AK7: variants seen among roughly 807,000 people sequenced by gnomAD.
AK7 encodes the protein ATP-AMP transphosphorylase 7.
A neutral mutation model predicts 96.6 loss-of-function variants in AK7; 78 were observed. The observed-to-expected ratio is 0.81, with a 90% CI of 0.67 to 0.97. AK7 has a LOEUF of 0.97. Among genes scored for constraint, AK7 ranks in the 50% least tolerant of loss-of-function variants. AK7 has a pLI of 0.00. For missense variants in AK7, 855 were observed against 887.9 expected (o/e 0.96, Z 0.47); for synonymous variants, 302 against 317.2 (o/e 0.95, Z 0.51).
Position 96,449,877 on chromosome 14 carries a change from A to G in AK7, c.946A>G (p.Thr316Ala). Residue 316 changes from threonine (T) to alanine (A), a missense_variant and splice_region_variant, in exon 9 of 18, where the codon ACG (threonine) becomes GCG (alanine). By Grantham distance (58) the Thr-to-Ala change is moderately conservative (BLOSUM62 0). Coordinates refer to ENST00000267584, the MANE Select transcript of AK7 (RefSeq NM_152327.5). ...RENAYLTKDL[T>A]QDCLDHLLVN... ...AAATGCATACCTAACCAAGGACTTAACGGTTAGTATATGCGGTGTTTTTTT... is the reference window on the plus strand; with the variant it reads ...AAATGCATACCTAACCAAGGACTTAGCGGTTAGTATATGCGGTGTTTTTTT... 6.3e-7 allele frequency: 1 copy of G among 1,594,646 alleles called. No homozygotes were observed. The highest frequency in any genetic ancestry group is 1.7e-4 in the Middle Eastern group (1 of 5,858).
In AK7 at chr14:96,398,223, C is replaced by A; in HGVS notation, c.254C>A (p.Pro85His). The A allele has an allele frequency of 6.2e-7, 1 of 1,613,796 alleles. No individual in the cohort carries two copies. The highest frequency in any genetic ancestry group is 2.2e-5 in the East Asian group (1 of 44,876). ...TFQIVGTLSKPDSPRPDFAVE... is the reference protein window; with the variant it reads ...TFQIVGTLSKHDSPRPDFAVE... ...CAGATTGTGGGCACGCTGTCCAAGC[C>A]TGACAGCCCGCGGCCTGACTTTGCG... Residue 85 changes from proline to histidine, a missense_variant, in exon 2 of 18, where the codon CCT becomes CAT. Physicochemically the swap from Pro to His is moderately conservative, Grantham distance 77. Transcript: ENST00000267584.
intron 8 of AK7, among the ~76,000 whole-genome samples, chr14:96,448,233 GTTGT>G (rs781548631): frequency 3.3e-5 from 5 of 152,106 alleles, no homozygotes; most frequent in Non-Finnish European, 7.4e-5. Flanking sequence ...TTCATCCCAG[GTTGT>G]TTTAGTCTGT....
chr14:96,480,218 G>A (rs1595467046), intron 15 of AK7, among the ~76,000 whole-genome samples: 1 of 152,140 alleles, frequency 6.6e-6, no homozygotes, highest in Non-Finnish European at 1.5e-5. Context: ...GATCATCTGA[G>A]GTCAGGAGTT....
intron 12 of AK7, among the ~76,000 whole-genome samples, chr14:96,458,422 C>T (rs1231113911): frequency 6.6e-6 from 1 of 151,894 alleles, no homozygotes; most frequent in East Asian, 1.9e-4. Context: ...ATGGCGAAAC[C>T]CCATCTCTAC....
intron 5 of AK7, among the ~76,000 whole-genome samples, chr14:96,435,911 T>C (rs1373101183): frequency 6.6e-6 from 1 of 152,194 alleles, no homozygotes; most frequent in East Asian, 1.9e-4. Context: ...GTGGGTGGCT[T>C]TGGCGATTCC....
rs1890618435 is a variant in AK7 at position 96,404,867 on chromosome 14, T to A, written c.403+2T>A. The A allele has an allele frequency of 1.3e-6, 2 of 1,599,124 alleles. No individual in the cohort carries two copies. The highest frequency in any genetic ancestry group is 2.7e-5 in the African/African-American group (2 of 74,660). On this transcript the variant is annotated splice_donor_variant, in intron 3 of 17. Transcript: ENST00000267584. LOFTEE classifies it high-confidence loss of function. ...AGGAAGCCATCTGGGCAGTCTCTGGTCAGTGAGGTGTACTCTTTTATCTCC... is the reference window on the plus strand; with the variant it reads ...AGGAAGCCATCTGGGCAGTCTCTGGACAGTGAGGTGTACTCTTTTATCTCC...
chr14:96,462,238 C>G (rs1454415408), intron 12 of AK7, among the ~76,000 whole-genome samples: 1 of 152,090 alleles, frequency 6.6e-6, no homozygotes, highest in Non-Finnish European at 1.5e-5. Context: ...CAAAGCTCCT[C>G]ACCCACATGT....
intron 5 of AK7, among the ~76,000 whole-genome samples, chr14:96,430,712 G>C (rs966148682): frequency 1.3e-5 from 2 of 152,140 alleles, no homozygotes; most frequent in African/African-American, 4.8e-5. Flanking sequence ...ATGTTCATCA[G>C]GGATATTGGT....
chr14:96,445,955 G>A (rs981928302), intron 7 of AK7, among the ~76,000 whole-genome samples: 2 of 152,226 alleles, frequency 1.3e-5, no homozygotes, highest in Non-Finnish European at 2.9e-5. Flanking sequence ...TGAAAATTTA[G>A]TGGGATCACA....
At chr14:96,439,455 G>A (rs980330614) in intron 6 of AK7, among the ~76,000 whole-genome samples, 9 of 152,058 alleles carry the variant, frequency 5.9e-5, no homozygotes, top group African/African-American at 1.5e-4. Flanking sequence ...ACAAGGTCAG[G>A]AGATCAAGAC....
rs1470814261 is a variant in AK7 at position 96,488,919 on chromosome 14, T to C, written c.*576T>C. On this transcript the variant is annotated 3_prime_UTR_variant, in exon 18 of 18. Coordinates refer to ENST00000267584, the MANE Select transcript of AK7 (RefSeq NM_152327.5). Reference sequence around the variant, plus strand: ...CCAGACAATGAATCGGAGAGAACTGTAAACCTTTAGGCGGAGAAATCTGCA... The same window carrying C: ...CCAGACAATGAATCGGAGAGAACTGCAAACCTTTAGGCGGAGAAATCTGCA... 6.6e-6 allele frequency: 1 copy of C among 151,424 alleles called. No homozygotes were observed. The highest frequency in any genetic ancestry group is 2.4e-5 in the African/African-American group (1 of 41,162). 9.4% of individuals were successfully genotyped at this position (151,424 alleles called of 1,614,324 possible).
chr14:96,441,582 TGA>T (rs1351353924), intron 6 of AK7, among the ~76,000 whole-genome samples: 2 of 137,384 alleles, frequency 1.5e-5, no homozygotes, highest in East Asian at 2.1e-4. Flanking sequence ...GAGGTTGCAG[TGA>T]GCTGAGATCC....
chr14:96,458,104 G>A lies in AK7; in HGVS notation c.1249G>A (p.Asp417Asn), dbSNP rs111905580. ...GCAGGAGGCGATTGTTGCCCCTAAC[G>A]ATGTAGGGGAAGGAGAAGAAGAAGT... ...AKLEAIVAPNDVGEGEEEVEE... is the reference protein window; with the variant it reads ...AKLEAIVAPNNVGEGEEEVEE... Residue 417 changes from aspartate to asparagine, a missense_variant, in exon 12 of 18, where the codon GAT becomes AAT. Coordinates refer to ENST00000267584, the MANE Select transcript of AK7 (RefSeq NM_152327.5). The A allele has an allele frequency of 1.8e-5, 29 of 1,613,588 alleles. No individual in the cohort carries two copies. Among genetic ancestry groups the A allele is most frequent in the African/African-American group, 1.2e-4 (9 of 75,002 alleles).
At chr14:96,405,954 A>G (rs1890686592) in intron 3 of AK7, among the ~76,000 whole-genome samples, 2 of 152,104 alleles carry the variant, frequency 1.3e-5, no homozygotes, top group African/African-American at 2.4e-5. Flanking sequence ...TCTTGCTTTG[A>G]AAAGTGTAAT....
At chr14:96,432,977 G>A (rs540419141) in intron 5 of AK7, among the ~76,000 whole-genome samples, 1 of 152,148 alleles carries the variant, frequency 6.6e-6, no homozygotes, top group Non-Finnish European at 1.5e-5. Context: ...CTGGGCGACA[G>A]AATGATGTTG....
intron 14 of AK7, among the ~76,000 whole-genome samples, chr14:96,472,995 T>A (rs1192434132): frequency 6.6e-6 from 1 of 151,778 alleles, no homozygotes; most frequent in Non-Finnish European, 1.5e-5. Flanking sequence ...GGCAGGAGAA[T>A]CACTTGAACC....
chr14:96,456,488 A>T lies in AK7; in HGVS notation c.1227+13A>T, dbSNP rs1893918408. ...CATAGCAAAACTGGTAACACTTTAA[A>T]CTATTTTCCTGGGCATTTTAATTAA... On this transcript the variant is annotated intron_variant, in intron 11 of 17. Transcript: ENST00000267584. 1.9e-6 allele frequency: 3 copies of T among 1,611,334 alleles called. No individual in the cohort carries two copies. The highest frequency in any genetic ancestry group is 3.3e-5 in the Admixed American group (2 of 59,830).
chr14:96,417,133 A>G (rs1285532887), intron 4 of AK7, among the ~76,000 whole-genome samples: 1 of 152,220 alleles, frequency 6.6e-6, no homozygotes, highest in Non-Finnish European at 1.5e-5. Flanking sequence ...CCAGCATGCC[A>G]TGTGAGCCAG....
chr14:96,459,256 T>G (rs1894121401), intron 12 of AK7, among the ~76,000 whole-genome samples: 2 of 152,100 alleles, frequency 1.3e-5, no homozygotes, highest in South Asian at 4.1e-4. Context: ...GAGAATCGCT[T>G]GAACCCGGGA....
Sources: allele counts gnomAD v4.1 joint callset (sites outside exome capture counted in the v4.1 genomes callset), GRCh38; gene constraint gnomAD v4.1.1; transcripts MANE v1.5; gene names NCBI Gene and HGNC (gene_info 2026-07-23, HGNC 2026-07-21).